Variants in ITGA9 observed in about 807,000 individuals in gnomAD.
ITGA9 encodes integrin alpha-9.
Under a neutral mutation model 127.8 loss-of-function variants are expected in ITGA9, and 56 were observed. The ratio of observed to expected loss-of-function variants is 0.44; its 90% CI spans 0.35 to 0.55. The LOEUF (loss-of-function observed/expected upper bound fraction) is 0.55. Among genes scored for constraint, ITGA9 ranks in the 20% least tolerant of loss-of-function variants. The pLI, the probability that ITGA9 is intolerant of heterozygous loss-of-function variation, is 0.00. For missense variants in ITGA9, 1,196 were observed against 1,347.1 expected (o/e 0.89, Z 1.76); for synonymous variants, 508 against 514.5 (o/e 0.99, Z 0.17).
chr3:37,589,096 C>T (rs375937663), intron 15 of ITGA9, among the ~76,000 whole-genome samples: 1 of 152,140 alleles, frequency 6.6e-6, no homozygotes, highest in Non-Finnish European at 1.5e-5. Context: ...GCTTCCTCGT[C>T]TAGAAATTGG....
At chr3:37,618,280 A>G (rs1193630202) in intron 15 of ITGA9, among the ~76,000 whole-genome samples, 3 of 152,200 alleles carry the variant, frequency 2.0e-5, no homozygotes, top group Non-Finnish European at 4.4e-5. Flanking sequence ...AACAGTGGAT[A>G]TTGGTGAACA....
chr3:37,720,247 T>G lies in ITGA9; in HGVS notation c.2068-12465T>G, dbSNP rs375030046. 2.6e-5 allele frequency among the ~76,000 whole-genome samples: 4 copies of G among 152,298 alleles called. No individual in the cohort carries two copies. The East Asian group carries it at 5.8e-4, about 22-fold the overall frequency. Reference sequence around the variant, plus strand: ...AAGGAACTCTTCACCATGAGTACATTTCTATGAAGATTTCTGGCCAGGATT... The same window carrying G: ...AAGGAACTCTTCACCATGAGTACATGTCTATGAAGATTTCTGGCCAGGATT... On this transcript the variant is annotated intron_variant, in intron 18 of 27. Transcript: ENST00000264741.
intron 22 of ITGA9, 143 bp downstream of exon 22, chr3:37,744,177 A>G (rs1696472901): frequency 2.8e-6 from 2 of 713,544 alleles, no homozygotes; most frequent in Admixed American, 2.0e-5. Context: ...ATCTGTAACC[A>G]CACACAGAAT....
At position 37,650,022 on chromosome 3, in the gene ITGA9, A is replaced by C. The variant is rs542427201; in HGVS notation, c.1840-3692A>C. Among the ~76,000 whole-genome samples, 79 of 152,254 alleles carry C rather than the reference A, an allele frequency of 5.2e-4. 1 individual carries two copies. The South Asian group carries it at 0.016, about 30-fold the overall frequency. The stretch of plus-strand genomic sequence containing the variant: ...CTATCAGCTGGGGCAACTCAATGGG[A>C]TTGGAGGACATCTCTGAGGTTTTCA... On this transcript the variant is annotated intron_variant, in intron 16 of 27. Transcript: ENST00000264741.
chr3:37,630,499 G>T (rs1035011481), intron 16 of ITGA9, among the ~76,000 whole-genome samples: 1 of 152,224 alleles, frequency 6.6e-6, no homozygotes, highest in Non-Finnish European at 1.5e-5. Flanking sequence ...CTCACCTTGA[G>T]GCAAGAGGGG....
At chr3:37,473,289 C>T in intron 2 of ITGA9, 65 bp from the exon 3 acceptor site, 1 of 1,308,836 alleles carries the variant, frequency 7.6e-7, no homozygotes, top group Non-Finnish European at 1.1e-6. Flanking sequence ...GTGGACCACC[C>T]TTTGAAAGCA....
intron 5 of ITGA9, among the ~76,000 whole-genome samples, chr3:37,498,428 C>T (rs1025433008): frequency 3.9e-5 from 6 of 152,054 alleles, no homozygotes; most frequent in Non-Finnish European, 2.9e-5. Context: ...TTATGTTTGC[C>T]GCAGCAGCTG....
chr3:37,530,632 T>C (rs1699140364), intron 13 of ITGA9, among the ~76,000 whole-genome samples: 1 of 148,970 alleles, frequency 6.7e-6, no homozygotes, highest in Non-Finnish European at 1.5e-5. Context: ...TCAAAGGGCA[T>C]CCCAACTGGT....
intron 15 of ITGA9, among the ~76,000 whole-genome samples, chr3:37,588,149 A>G (rs183795856): frequency 2.6e-5 from 4 of 152,354 alleles, no homozygotes; most frequent in Admixed American, 2.6e-4. Flanking sequence ...GCGAATATCT[A>G]AATATTTAAA....
At chr3:37,813,526 A>G (rs571695688) in intron 27 of ITGA9, among the ~76,000 whole-genome samples, 9 of 152,364 alleles carry the variant, frequency 5.9e-5, no homozygotes, top group Admixed American at 5.9e-4. Flanking sequence ...AATGTTAGCT[A>G]GGAAGACCTG....
At chr3:37,652,644 A>G (rs980478793) in intron 16 of ITGA9, among the ~76,000 whole-genome samples, 1 of 152,334 alleles carries the variant, frequency 6.6e-6, no homozygotes, top group Admixed American at 6.5e-5. Context: ...GCCTGGACTT[A>G]TTCTCTGGGC....
At chr3:37,547,718 G>GA (rs570745427) in intron 15 of ITGA9, among the ~76,000 whole-genome samples, 103 of 152,158 alleles carry the variant, frequency 6.8e-4, no homozygotes, top group African/African-American at 2.3e-3. Flanking sequence ...AAATAGCTAA[G>GA]AAAAAAACAG....
intron 15 of ITGA9, among the ~76,000 whole-genome samples, chr3:37,608,516 A>G (rs2125624511): frequency 6.6e-6 from 1 of 152,294 alleles, no homozygotes; most frequent in East Asian, 1.9e-4. Flanking sequence ...GACTCCAGAC[A>G]CTTCACTGAA....
chr3:37,638,677 A>G (rs1700304266), intron 16 of ITGA9, among the ~76,000 whole-genome samples: 1 of 152,132 alleles, frequency 6.6e-6, no homozygotes, highest in Non-Finnish European at 1.5e-5. Context: ...CCACTACTTT[A>G]AATGCCTTGA....
intron 26 of ITGA9, chr3:37,790,897 T>C (rs1016908186): frequency 6.6e-6 from 1 of 152,320 alleles, no homozygotes; most frequent in Non-Finnish European, 1.5e-5. Context: ...AAGTGTTGTT[T>C]GAGGCCCACA....
chr3:37,684,088 A>G lies in ITGA9; in HGVS notation c.2067+73A>G, dbSNP rs565724631. On this transcript the variant is annotated intron_variant, in intron 18 of 27. Coordinates refer to ENST00000264741, the MANE Select transcript of ITGA9 (RefSeq NM_002207.3). Reference sequence around the variant, plus strand: ...CTTGCTGACTTTCATTATTGCCTGGAATAGGCAATGATTCTACAAGCACTA... The same window carrying G: ...CTTGCTGACTTTCATTATTGCCTGGGATAGGCAATGATTCTACAAGCACTA... 50 of 1,228,904 alleles carry G rather than the reference A, an allele frequency of 4.1e-5. No homozygotes were observed. The African/African-American group carries it at 6.8e-4, about 17-fold the overall frequency. 76.1% of individuals were successfully genotyped at this position (1,228,904 alleles called of 1,614,324 possible).
At chr3:37,504,862 A>G (rs1456033296) in intron 6 of ITGA9, among the ~76,000 whole-genome samples, 1 of 152,174 alleles carries the variant, frequency 6.6e-6, no homozygotes, top group African/African-American at 2.4e-5. Context: ...CAAACAACTT[A>G]CAATCACTTT....
intron 17 of ITGA9, among the ~76,000 whole-genome samples, chr3:37,675,191 C>T (rs375050703): frequency 4.6e-5 from 7 of 152,296 alleles, no homozygotes; most frequent in South Asian, 2.1e-4. Flanking sequence ...TGCAGCCCCC[C>T]GCCTTTGCAG....
At chr3:37,663,097 C>T (rs1575184625) in intron 17 of ITGA9, among the ~76,000 whole-genome samples, 1 of 152,138 alleles carries the variant, frequency 6.6e-6, no homozygotes, top group African/African-American at 2.4e-5. Context: ...GGCTTGAGTC[C>T]AGTTCCAAAA....
Sources: allele counts gnomAD v4.1 joint callset (sites outside exome capture counted in the v4.1 genomes callset), GRCh38; gene constraint gnomAD v4.1.1; transcripts MANE v1.5; gene names NCBI Gene and HGNC (gene_info 2026-07-23, HGNC 2026-07-21).